CCDC91: variants seen among roughly 807,000 people sequenced by gnomAD.
CCDC91 encodes the protein coiled-coil domain-containing protein 91.
Under a neutral mutation model 63.2 loss-of-function variants are expected in CCDC91, and 48 were observed. That is an observed-to-expected ratio of 0.76 (90% CI 0.60 to 0.97). CCDC91 has a LOEUF of 0.97. Among genes scored for constraint, CCDC91 ranks in the 50% least tolerant of loss-of-function variants. The pLI is 0.00. For missense variants in CCDC91, 500 were observed against 494.6 expected (o/e 1.01, Z -0.10); for synonymous variants, 167 against 165.8 (o/e 1.01, Z -0.06).
At position 28,301,485 on chromosome 12, in the gene CCDC91, T is replaced by C. The variant is rs1292655720; in HGVS notation, c.110-4164T>C. On this transcript the variant is annotated intron_variant, in intron 3 of 12. Transcript: ENST00000536442. Reference sequence around the variant, plus strand: ...TTTTTAATATTTTATTTAGAACTTATACTTCATTATAAGTGATACTCTAAT... The same window carrying C: ...TTTTTAATATTTTATTTAGAACTTACACTTCATTATAAGTGATACTCTAAT... 3.3e-5 allele frequency among the ~76,000 whole-genome samples: 5 copies of C among 151,634 alleles called. No homozygotes were observed. In the East Asian group the frequency reaches 9.6e-4, roughly 29 times the overall value.
intron 1 of CCDC91, among the ~76,000 whole-genome samples, chr12:28,247,744 C>T (rs187664986): frequency 7.4e-4 from 112 of 152,186 alleles, no homozygotes; most frequent in African/African-American, 2.3e-3. Context: ...ACAGCGGTCC[C>T]GAACCTTGTT....
chr12:28,538,348 C>A (rs1942355441), intron 12 of CCDC91, among the ~76,000 whole-genome samples: 1 of 147,724 alleles, frequency 6.8e-6, no homozygotes, highest in Non-Finnish European at 1.5e-5. Flanking sequence ...TAAGTGAGAA[C>A]ATGCGCTGTT....
At chr12:28,418,371 C>A (rs1947805668) in intron 8 of CCDC91, among the ~76,000 whole-genome samples, 1 of 151,978 alleles carries the variant, frequency 6.6e-6, no homozygotes, top group Non-Finnish European at 1.5e-5. Context: ...TAAACTGAGA[C>A]AAAAAACTGT....
intron 8 of CCDC91, among the ~76,000 whole-genome samples, chr12:28,407,003 T>C (rs999754826): frequency 3.9e-5 from 6 of 152,136 alleles, no homozygotes; most frequent in African/African-American, 1.4e-4. Context: ...GGCAGTTTTC[T>C]CATGAATGAT....
intron 6 of CCDC91, among the ~76,000 whole-genome samples, chr12:28,314,250 T>C (rs1216158854): frequency 1.3e-5 from 2 of 152,018 alleles, no homozygotes; most frequent in Non-Finnish European, 2.9e-5. Context: ...AATTTACCTA[T>C]AAATGGATTT....
intron 8 of CCDC91, among the ~76,000 whole-genome samples, chr12:28,397,903 C>T (rs1946385863): frequency 6.6e-6 from 1 of 152,030 alleles, no homozygotes; most frequent in African/African-American, 2.4e-5. Context: ...TCAAAAATAA[C>T]CGATAGCAAC....
chr12:28,388,459 G>A (rs1432460096), intron 7 of CCDC91, among the ~76,000 whole-genome samples: 1 of 152,192 alleles, frequency 6.6e-6, no homozygotes, highest in African/African-American at 2.4e-5. Context: ...TCTGTCATAC[G>A]CCAACAGCAA....
chr12:28,397,935 T>C (rs192657235), intron 8 of CCDC91, among the ~76,000 whole-genome samples: 1 of 152,246 alleles, frequency 6.6e-6, no homozygotes, highest in Admixed American at 6.5e-5. Flanking sequence ...TTAAACATAT[T>C]CCTGTTTATT....
chr12:28,370,055 C>T (rs1332127980), intron 7 of CCDC91, among the ~76,000 whole-genome samples: 1 of 152,222 alleles, frequency 6.6e-6, no homozygotes, highest in Non-Finnish European at 1.5e-5. Flanking sequence ...TGGCTATAAA[C>T]ATTCAACTCC....
chr12:28,402,270 G>A (rs963170539), intron 8 of CCDC91, among the ~76,000 whole-genome samples: 1 of 152,092 alleles, frequency 6.6e-6, no homozygotes, highest in Admixed American at 6.6e-5. Context: ...ATCTATGAAC[G>A]TTGACTGTCT....
rs761151130 is a variant in CCDC91, at chr12:28,549,262, T to A, written c.*89T>A. ...CTGAATTATAAAGATGTGTTTGTTT[T>A]CTTTCCAAATCATGTAGAATTGATT... On this transcript the variant is annotated 3_prime_UTR_variant, in exon 13 of 13. Coordinates refer to ENST00000536442, the MANE Select transcript of CCDC91 (RefSeq NM_018318.5). The A allele has an allele frequency of 7.3e-4, 526 of 721,918 alleles. 1 individual carries two copies. The highest frequency in any genetic ancestry group is 1.2e-3 in the Non-Finnish European group (482 of 415,428). 44.7% of individuals were successfully genotyped at this position (721,918 alleles called of 1,614,324 possible).
intron 12 of CCDC91, among the ~76,000 whole-genome samples, chr12:28,491,755 A>G (rs1345943323): frequency 6.6e-6 from 1 of 151,820 alleles, no homozygotes; most frequent in Non-Finnish European, 1.5e-5. Flanking sequence ...ATTCTAGAAT[A>G]TCTTGGCTCA....
chr12:28,484,919 ATAT>A (rs1338108291), intron 12 of CCDC91, among the ~76,000 whole-genome samples: 1 of 150,848 alleles, frequency 6.6e-6, no homozygotes, highest in Non-Finnish European at 1.5e-5. Context: ...TATATGTTAC[ATAT>A]TATATAAATA....
At chr12:28,487,401 T>G (rs1377065509) in intron 12 of CCDC91, among the ~76,000 whole-genome samples, 4 of 151,836 alleles carry the variant, frequency 2.6e-5, no homozygotes, top group Admixed American at 2.6e-4. Flanking sequence ...TGTATTTCAG[T>G]ATTTTGAGTT....
chr12:28,264,514 T>C lies in CCDC91; in HGVS notation c.109+5072T>C, dbSNP rs544532789. ...TTCAAAATGAATGGCTATCTTCTTA[T>C]ATATAAATATGTATGTATATATGTA... On this transcript the variant is annotated intron_variant, in intron 3 of 12. Transcript: ENST00000536442. 1.2e-4 allele frequency among the ~76,000 whole-genome samples: 18 copies of C among 151,338 alleles called. No individual in the cohort carries two copies. The South Asian group carries it at 3.5e-3, about 30-fold the overall frequency.
At chr12:28,459,144 G>T (rs1046211203) in intron 11 of CCDC91, among the ~76,000 whole-genome samples, 1 of 151,918 alleles carries the variant, frequency 6.6e-6, no homozygotes, top group African/African-American at 2.4e-5. Context: ...CATCAGCCTA[G>T]AATCCCATTG....
At chr12:28,496,910 CATAT>C in intron 12 of CCDC91, among the ~76,000 whole-genome samples, 1 of 145,162 alleles carries the variant, frequency 6.9e-6, no homozygotes, top group African/African-American at 2.5e-5. Context: ...TATATACACA[CATAT>C]ATAAGGTATA....
At chr12:28,321,450 T>C (rs2137429833) in intron 6 of CCDC91, among the ~76,000 whole-genome samples, 1 of 152,034 alleles carries the variant, frequency 6.6e-6, no homozygotes, top group South Asian at 2.1e-4. Context: ...GTTTGTAGAC[T>C]GCTATGGATT....
At chr12:28,370,258 T>C (rs1441081345) in intron 7 of CCDC91, among the ~76,000 whole-genome samples, 1 of 152,216 alleles carries the variant, frequency 6.6e-6, no homozygotes, top group Non-Finnish European at 1.5e-5. Flanking sequence ...AAAAGTTCAC[T>C]TCTAGAATGC....
Sources: allele counts gnomAD v4.1 joint callset (sites outside exome capture counted in the v4.1 genomes callset), GRCh38; gene constraint gnomAD v4.1.1; transcripts MANE v1.5; gene names NCBI Gene and HGNC (gene_info 2026-07-23, HGNC 2026-07-21).